The following CHRNB4 variants were observed in gnomAD, a reference collection of about 807,000 sequenced individuals.
The protein encoded by CHRNB4 is neuronal acetylcholine receptor subunit beta-4.
A neutral mutation model predicts 40.4 loss-of-function variants in CHRNB4; 23 were observed. The ratio of observed to expected loss-of-function variants is 0.57; its 90% CI spans 0.41 to 0.81. The LOEUF is 0.81. Ranked by LOEUF, CHRNB4 falls within the 30% of genes least tolerant of loss-of-function variation. The pLI, the probability that CHRNB4 is intolerant of heterozygous loss-of-function variation, is 0.00. For synonymous variants in CHRNB4, 285 were observed against 274.4 expected, an observed-to-expected ratio of 1.04 and a Z score of -0.38; for missense variants, 568 against 670.6, an observed-to-expected ratio of 0.85 and a Z score of 1.69.
chr15:78,645,022 TAGCCAATTCCCCG>T (rs1257427793), upstream of CHRNB4, among the ~76,000 whole-genome samples: 1 of 152,170 alleles, frequency 6.6e-6, no homozygotes, highest in Non-Finnish European at 1.5e-5. Flanking sequence ...CTCCCAGGGC[TAGCCAATTCCCCG>T]AGACAGTAAG....
chr15:78,632,874 C>T (rs186062061), intron 2 of CHRNB4, among the ~76,000 whole-genome samples: 3 of 152,278 alleles, frequency 2.0e-5, no homozygotes, highest in Admixed American at 6.5e-5. Flanking sequence ...CCACCACCAC[C>T]GCCACCATAC....
rs187899132 is a variant in CHRNB4, at chr15:78,640,264, G to C, written c.55+815C>G. 1.0e-3 allele frequency among the ~76,000 whole-genome samples: 154 copies of C among 152,304 alleles called. 1 individual carries two copies. The highest frequency in any genetic ancestry group is 3.4e-3 in the African/African-American group (140 of 41,556). On this transcript the variant is annotated intron_variant, in intron 1 of 5. Transcript: ENST00000261751. ...GCTTGGAGGAAAAGCCTGGGTGACTGTAGGAGCTAGAAGGGCCCTTGGAAT... is the reference window on the plus strand; with the variant it reads ...GCTTGGAGGAAAAGCCTGGGTGACTCTAGGAGCTAGAAGGGCCCTTGGAAT...
chr15:78,649,258 T>G, intron 7 of CHRNB4: 1 of 265,190 alleles, frequency 3.8e-6, no homozygotes. Context: ...TTTCTCGGTG[T>G]GTACCCCAGA....
At chr15:78,650,927 A>C (rs973029127) in intron 6 of CHRNB4, among the ~76,000 whole-genome samples, 1 of 152,208 alleles carries the variant, frequency 6.6e-6, no homozygotes, top group Admixed American at 6.5e-5. Flanking sequence ...GTGCAAGTGT[A>C]GTCGGGCTTT....
chr15:78,642,124 C>T (rs1327373536), upstream of CHRNB4, among the ~76,000 whole-genome samples: 1 of 152,194 alleles, frequency 6.6e-6, no homozygotes, highest in Non-Finnish European at 1.5e-5. Flanking sequence ...GCCACCTTAT[C>T]TCCAGGACTC....
At chr15:78,638,989 C>T (rs1360424146) in intron 1 of CHRNB4, among the ~76,000 whole-genome samples, 2 of 152,222 alleles carry the variant, frequency 1.3e-5, no homozygotes, top group Non-Finnish European at 1.5e-5. Context: ...TTTTGTCTTC[C>T]AGGCCTTCTT....
At chr15:78,638,481 C>A (rs542609427) in intron 1 of CHRNB4, among the ~76,000 whole-genome samples, 1 of 152,364 alleles carries the variant, frequency 6.6e-6, no homozygotes, top group East Asian at 1.9e-4. Flanking sequence ...CGACAGAGGT[C>A]TTCCCTGACC....
intron 1 of CHRNB4, among the ~76,000 whole-genome samples, chr15:78,637,233 T>C (rs144984032): frequency 1.4e-3 from 217 of 152,270 alleles, no homozygotes; most frequent in African/African-American, 4.9e-3. Flanking sequence ...CCTTGCCAAG[T>C]GGCATTTGGG....
At chr15:78,657,034 T>TC (rs2054220035) in intron 3 of CHRNB4, among the ~76,000 whole-genome samples, 1 of 143,812 alleles carries the variant, frequency 7.0e-6, no homozygotes, top group Non-Finnish European at 1.5e-5. Flanking sequence ...TTTCTTTTCT[T>TC]CTTTTTTTTT....
At chr15:78,639,373 G>A (rs940601971) in intron 1 of CHRNB4, among the ~76,000 whole-genome samples, 2 of 152,134 alleles carry the variant, frequency 1.3e-5, no homozygotes, top group African/African-American at 4.8e-5. Context: ...TCAGCTCACT[G>A]CTGCAACCTC....
intron 1 of CHRNB4, among the ~76,000 whole-genome samples, chr15:78,639,050 AT>A (rs1349965450): frequency 6.6e-6 from 1 of 152,258 alleles, no homozygotes; most frequent in African/African-American, 2.4e-5. Context: ...AGAGGAAGCC[AT>A]AGCTGGAATT....
intron 1 of CHRNB4, among the ~76,000 whole-genome samples, chr15:78,637,172 C>A (rs545659332): frequency 2.4e-4 from 37 of 152,274 alleles, no homozygotes; most frequent in Non-Finnish European, 4.1e-4. Context: ...ATGCAGGGAG[C>A]CCCCCTGACC....
chr15:78,648,048 A>C (rs1318337193), intron 7 of CHRNB4, among the ~76,000 whole-genome samples: 1 of 151,934 alleles, frequency 6.6e-6, no homozygotes, highest in Non-Finnish European at 1.5e-5. Flanking sequence ...AGAAATGATT[A>C]AGTCATAAGG....
At chr15:78,661,437 T>C (rs1357333631), upstream of CHRNB4, 9 of 514,644 alleles carry the variant, frequency 1.7e-5, no homozygotes, top group Middle Eastern at 6.6e-4. Context: ...GAGTGACCGG[T>C]TGGTGCGACT....
chr15:78,633,910 A>G (rs909189774), intron 2 of CHRNB4, among the ~76,000 whole-genome samples: 3 of 140,046 alleles, frequency 2.1e-5, no homozygotes, highest in African/African-American at 7.8e-5. Flanking sequence ...AGGGTCAGGG[A>G]ATAAGGGGGG....
chr15:78,634,428 C>G (rs943721395), intron 2 of CHRNB4, among the ~76,000 whole-genome samples: 1 of 152,332 alleles, frequency 6.6e-6, no homozygotes, highest in East Asian at 1.9e-4. Context: ...CCTTCTGGTC[C>G]GACTACGGAG....
Position 78,624,918 on chromosome 15 carries a change from C to T in CHRNB4, c.*215G>A, listed in dbSNP as rs1429989296. On this transcript the variant is annotated 3_prime_UTR_variant, in exon 6 of 6. Coordinates refer to ENST00000261751, the MANE Select transcript of CHRNB4 (RefSeq NM_000750.5). ...GCCAGAATTGAACTGTCTGAAGCTC[C>T]CTCCTACTGGGGCTTCCTGGGATCC... 6.1e-6 allele frequency: 9 copies of T among 1,466,312 alleles called. No individual in the cohort carries two copies. The highest frequency in any genetic ancestry group is 2.4e-5 in the Admixed American group (1 of 41,918). The allele number at this position is 1,466,312 out of a possible 1,614,324, so 90.8% of individuals were successfully genotyped here.
At chr15:78,631,991 C>T (rs2141375473) in intron 2 of CHRNB4, among the ~76,000 whole-genome samples, 1 of 152,262 alleles carries the variant, frequency 6.6e-6, no homozygotes, top group South Asian at 2.1e-4. Flanking sequence ...TGCCTCTTTG[C>T]TCCTGCACAC....
In CHRNB4 at chr15:78,635,438, C is replaced by T; in HGVS notation, c.204+1G>A. ...GAGCCACAGCTGCCCTCTGCACCTA[C>T]CACGCTGATAAGCTGGGCCAGGGAG... is the stretch of plus-strand genomic sequence containing the variant. On this transcript the variant is annotated splice_donor_variant, in intron 2 of 5. Transcript: ENST00000261751. LOFTEE classifies it high-confidence loss of function. 1 of 1,613,612 alleles carries T rather than the reference C, an allele frequency of 6.2e-7. No homozygotes were observed. The highest frequency in any genetic ancestry group is 8.5e-7 in the Non-Finnish European group (1 of 1,179,898).
Sources: gnomAD v4.1 joint callset for allele counts (sites outside exome capture counted in the v4.1 genomes callset) on GRCh38, gnomAD v4.1.1 for gene constraint, MANE v1.5 for transcripts, NCBI Gene and HGNC (gene_info 2026-07-23, HGNC 2026-07-21) for gene names.